ARFGEF1: variants seen among roughly 807,000 people sequenced by gnomAD.
ARFGEF1 encodes the protein ARF guanine nucleotide exchange factor 1.
A neutral mutation model predicts 231.0 loss-of-function variants in ARFGEF1; 42 were observed. The observed-to-expected ratio is 0.18, with a 90% CI of 0.14 to 0.24. The LOEUF is 0.24. Ranked by LOEUF, ARFGEF1 falls within the 10% of genes least tolerant of loss-of-function variation. The pLI is 1.00. For synonymous variants in ARFGEF1, 710 were observed against 732.3 expected (o/e 0.97, Z 0.49); for missense variants, 1,345 against 2,192.0 (o/e 0.61, Z 7.72).
intron 7 of ARFGEF1, among the ~76,000 whole-genome samples, chr8:67,279,566 A>G (rs1805452430): frequency 2.6e-5 from 4 of 152,128 alleles, no homozygotes; most frequent in Admixed American, 2.6e-4. Flanking sequence ...AATCTCTCAA[A>G]TGAATACTCA....
In ARFGEF1 at chr8:67,217,935, A is replaced by G. The variant is rs1449226755; in HGVS notation, c.4475-15T>C. 5 of 1,613,332 alleles carry G rather than the reference A, an allele frequency of 3.1e-6. No individual in the cohort carries two copies. The highest frequency in any genetic ancestry group is 4.2e-6 in the Non-Finnish European group (5 of 1,179,496). On this transcript the variant is annotated splice_polypyrimidine_tract_variant and intron_variant, in intron 31 of 38. Transcript: ENST00000262215. ...CTGCTCATTGTCTAGGAAAGAAAAG[A>G]GCAATTCATTTATATATTACCAGGG...
At chr8:67,239,926 T>C (rs1029985445) in intron 20 of ARFGEF1, among the ~76,000 whole-genome samples, 1 of 151,144 alleles carries the variant, frequency 6.6e-6, no homozygotes, top group Non-Finnish European at 1.5e-5. Context: ...TAGTCTTCAA[T>C]AGAGAAAAAA....
At chr8:67,176,182 A>G (rs745916622) in intron 5 of ARFGEF1, among the ~76,000 whole-genome samples, 30 of 152,094 alleles carry the variant, frequency 2.0e-4, no homozygotes, top group Non-Finnish European at 4.1e-4. Context: ...TGGCCTTCCC[A>G]TCTGTATTTC....
chr8:67,228,772 T>C (rs1839463481), intron 23 of ARFGEF1, among the ~76,000 whole-genome samples: 1 of 152,080 alleles, frequency 6.6e-6, no homozygotes, highest in Non-Finnish European at 1.5e-5. Flanking sequence ...GCCAAACCAC[T>C]TTCCTTAGGG....
chr8:67,218,907 A>C (rs1839050409), intron 30 of ARFGEF1, among the ~76,000 whole-genome samples: 1 of 152,220 alleles, frequency 6.6e-6, no homozygotes, highest in Non-Finnish European at 1.5e-5. Flanking sequence ...AAAAGTCAGA[A>C]AAACACTGAA....
At chr8:67,294,487 C>T (rs1806145697) in intron 5 of ARFGEF1, among the ~76,000 whole-genome samples, 1 of 152,054 alleles carries the variant, frequency 6.6e-6, no homozygotes, top group East Asian at 1.9e-4. Context: ...AATATAAATG[C>T]TATAATCTAC....
chr8:67,289,808 G>T (rs994284607), intron 6 of ARFGEF1, among the ~76,000 whole-genome samples: 1 of 152,108 alleles, frequency 6.6e-6, no homozygotes, highest in Non-Finnish European at 1.5e-5. Context: ...TGTCTTGAAA[G>T]ATAATTTTTC....
rs769194487 is a variant in ARFGEF1 at position 67,259,861 on chromosome 8, G to C, written c.2189C>G (p.Pro730Arg). 3 of 1,613,164 alleles carry C rather than the reference G, an allele frequency of 1.9e-6. No individual in the cohort carries two copies. Among genetic ancestry groups the C allele is most frequent in the Non-Finnish European group, 2.5e-6 (3 of 1,179,468 alleles). The change falls in exon 15 of 39, where the codon CCT becomes CGT. Residue 730 changes from proline to arginine, a missense_variant. By Grantham distance (103) the Pro-to-Arg change is moderately radical. Coordinates refer to ENST00000262215, the MANE Select transcript of ARFGEF1 (RefSeq NM_006421.5). The stretch of plus-strand genomic sequence containing the variant: ...ATGTAAGAATTGGGCAATATCTTCA[G>C]GTGTGGTGCCAAGCATCCCTTGTTC... ...LQEQGMLGTT[P>R]EDIAQFLHQE...
At chr8:67,301,029 A>T (rs976456015) in intron 3 of ARFGEF1, among the ~76,000 whole-genome samples, 195 bp downstream of exon 3, 3 of 152,224 alleles carry the variant, frequency 2.0e-5, no homozygotes, top group Non-Finnish European at 2.9e-5. Flanking sequence ...TAAGTTAATG[A>T]TTGTTAGTAT....
chr8:67,313,687 C>T (rs924508897), intron 1 of ARFGEF1, among the ~76,000 whole-genome samples: 13 of 152,114 alleles, frequency 8.5e-5, no homozygotes, highest in African/African-American at 2.7e-4. Flanking sequence ...CAATGGACTC[C>T]GTGAAATTCT....
chr8:67,267,277 A>C, intron 11 of ARFGEF1, 47 bp from the exon 12 acceptor site: 1 of 1,600,428 alleles, frequency 6.2e-7, no homozygotes, highest in Non-Finnish European at 8.5e-7. Context: ...CTAGGATATG[A>C]GTACATTTGG....
chr8:67,247,212 G>A (rs1171676985), intron 19 of ARFGEF1, among the ~76,000 whole-genome samples: 1 of 150,066 alleles, frequency 6.7e-6, no homozygotes, highest in African/African-American at 2.5e-5. Context: ...GAGAAACAGA[G>A]TAGGAAGGAA....
intron 14 of ARFGEF1, among the ~76,000 whole-genome samples, chr8:67,265,428 G>A (rs941107586): frequency 1.3e-5 from 2 of 152,130 alleles, no homozygotes; most frequent in African/African-American, 4.8e-5. Context: ...TGGGCAACAA[G>A]AGAAAGGAAG....
chr8:67,237,041 G>A (rs770479857), intron 22 of ARFGEF1, among the ~76,000 whole-genome samples: 17 of 152,056 alleles, frequency 1.1e-4, no homozygotes, highest in Non-Finnish European at 2.2e-4. Context: ...CAAAACTCAG[G>A]CCCAGCAATT....
intron 5 of ARFGEF1, among the ~76,000 whole-genome samples, chr8:67,188,034 T>G (rs1835156195): frequency 6.6e-6 from 1 of 152,212 alleles, no homozygotes; most frequent in Non-Finnish European, 1.5e-5. Flanking sequence ...AAGCCGGACT[T>G]TGTAAAAATT....
chr8:67,192,737 AGTT>A (rs1276589308), downstream of ARFGEF1, among the ~76,000 whole-genome samples: 22 of 152,186 alleles, frequency 1.4e-4, no homozygotes, highest in African/African-American at 4.3e-4. Context: ...GTGGCCATCC[AGTT>A]GTTCTAGCAG....
At chr8:67,219,361 A>G (rs1839070049) in intron 30 of ARFGEF1, 70 bp downstream of exon 30, 1 of 1,507,068 alleles carries the variant, frequency 6.6e-7, no homozygotes, top group Non-Finnish European at 8.9e-7. Flanking sequence ...GAAACACTAA[A>G]ATGTATTGAT....
At chr8:67,177,657 C>T (rs1563762747) in intron 5 of ARFGEF1, 1 of 1,579,178 alleles carries the variant, frequency 6.3e-7, no homozygotes, top group East Asian at 2.2e-5. Context: ...TTTTAATTTG[C>T]TTTTGTTCTC....
chr8:67,256,440 G>T (rs1263098455), intron 17 of ARFGEF1, among the ~76,000 whole-genome samples: 6 of 151,964 alleles, frequency 3.9e-5, no homozygotes, highest in African/African-American at 1.5e-4. Flanking sequence ...TTTAGGTTTG[G>T]TATATACTTT....
Sources: gnomAD v4.1 joint callset for allele counts (sites outside exome capture counted in the v4.1 genomes callset) on GRCh38, gnomAD v4.1.1 for gene constraint, MANE v1.5 for transcripts, NCBI Gene and HGNC (gene_info 2026-07-23, HGNC 2026-07-21) for gene names.